ITPR2: variants seen among roughly 807,000 people sequenced by gnomAD.
ITPR2 encodes inositol 1,4,5-trisphosphate-gated calcium channel ITPR2.
ITPR2 carries 207 observed loss-of-function variants against 317.1 expected under a neutral mutation model. That is an observed-to-expected ratio of 0.65 (90% CI 0.58 to 0.73). ITPR2 has a LOEUF of 0.73. Among genes scored for constraint, ITPR2 ranks in the 30% least tolerant of loss-of-function variants. ITPR2 has a pLI of 0.00. For missense variants in ITPR2, 2,613 were observed against 3,284.0 expected, an observed-to-expected ratio of 0.80 and a Z score of 4.99; for synonymous variants, 1,156 against 1,149.1, an observed-to-expected ratio of 1.01 and a Z score of -0.12.
intron 55 of ITPR2, among the ~76,000 whole-genome samples, chr12:26,382,610 A>G (rs927078980): frequency 1.8e-4 from 27 of 152,156 alleles, no homozygotes; most frequent in African/African-American, 6.5e-4. Context: ...GGTTGCAGTG[A>G]GCCAAGATTG....
At chr12:26,506,158 C>T (rs1943177088) in intron 37 of ITPR2, among the ~76,000 whole-genome samples, 1 of 151,402 alleles carries the variant, frequency 6.6e-6, no homozygotes, top group Admixed American at 6.6e-5. Flanking sequence ...TTCTTGAGCC[C>T]AGGAGTTCAA....
intron 37 of ITPR2, among the ~76,000 whole-genome samples, chr12:26,544,453 C>T (rs768105633): frequency 6.6e-5 from 10 of 151,942 alleles, no homozygotes; most frequent in South Asian, 2.1e-4. Context: ...CTAACAAACT[C>T]GGGAAATTTA....
chr12:26,410,381 A>G (rs1417866263), intron 52 of ITPR2, among the ~76,000 whole-genome samples: 1 of 152,166 alleles, frequency 6.6e-6, no homozygotes, highest in Non-Finnish European at 1.5e-5. Context: ...GAAGCATAAA[A>G]TATTTAGTCA....
chr12:26,634,614 G>A (rs1192867118), intron 21 of ITPR2, among the ~76,000 whole-genome samples: 2 of 152,066 alleles, frequency 1.3e-5, no homozygotes, highest in Non-Finnish European at 2.9e-5. Context: ...CGCCAGGCAC[G>A]GTGGCTCATG....
chr12:26,546,353 C>A (rs560064600), intron 37 of ITPR2, among the ~76,000 whole-genome samples: 1 of 152,260 alleles, frequency 6.6e-6, no homozygotes, highest in South Asian at 2.1e-4. Flanking sequence ...CCCACTCCCA[C>A]CCTTCCCAGT....
At chr12:26,810,557 G>C (rs1278752462) in intron 1 of ITPR2, among the ~76,000 whole-genome samples, 2 of 152,196 alleles carry the variant, frequency 1.3e-5, no homozygotes, top group Non-Finnish European at 2.9e-5. Flanking sequence ...CAGGGCTGTC[G>C]CTGGGCCAGT....
At position 26,495,248 on chromosome 12, in the gene ITPR2, T is replaced by G; in HGVS notation, c.5086A>C (p.Arg1696=). Residue 1696 remains arginine, a synonymous_variant, in exon 38 of 57, where the codon AGA becomes CGA. Coordinates refer to ENST00000381340, the MANE Select transcript of ITPR2 (RefSeq NM_002223.4). ...AAGTATCGATTCAGAAGTATCTTTC[T>G]TAATGTGTTACCCTAATAAGAAGGA... ...DSFVEEGNTL[R]KILLNRYFKG... is the part of the protein sequence containing the mutation. 1 of 1,561,408 alleles carries G rather than the reference T, an allele frequency of 6.4e-7. No individual in the cohort carries two copies. Among genetic ancestry groups the G allele is most frequent in the Non-Finnish European group, 8.8e-7 (1 of 1,133,130 alleles).
At chr12:26,462,630 T>A (rs1010605609) in intron 45 of ITPR2, among the ~76,000 whole-genome samples, 3 of 151,980 alleles carry the variant, frequency 2.0e-5, no homozygotes, top group African/African-American at 4.8e-5. Flanking sequence ...TTCCTCAACA[T>A]GCCTTCAGGA....
intron 2 of ITPR2, among the ~76,000 whole-genome samples, chr12:26,742,895 C>T (rs376995296): frequency 6.6e-6 from 1 of 151,386 alleles, no homozygotes; most frequent in African/African-American, 2.4e-5. Context: ...ATGAAAGAAG[C>T]CAGTCACAAA....
chr12:26,739,016 T>C (rs1356842986), intron 2 of ITPR2, among the ~76,000 whole-genome samples: 2 of 152,200 alleles, frequency 1.3e-5, no homozygotes, highest in South Asian at 2.1e-4. Flanking sequence ...TTTAAACAGA[T>C]GTTTCACAAA....
chr12:26,585,042 T>C (rs1481866987), intron 32 of ITPR2, among the ~76,000 whole-genome samples: 1 of 152,210 alleles, frequency 6.6e-6, no homozygotes, highest in African/African-American at 2.4e-5. Flanking sequence ...AATTCTTTTT[T>C]TAAACAGACA....
Position 26,493,724 on chromosome 12 carries a change from A to C in ITPR2, c.5370+429T>G, listed in dbSNP as rs541207994. ...ATTTAACCATAATGATAAATGAAAA[A>C]AAAAGACTGGAGGACAATGTCTGTC... On this transcript the variant is annotated intron_variant, in intron 39 of 56. Transcript: ENST00000381340. Among the ~76,000 whole-genome samples the C allele has an allele frequency of 2.6e-4, 39 of 152,314 alleles. No individual in the cohort carries two copies. In the South Asian group the frequency reaches 4.8e-3, roughly 19 times the overall value.
In ITPR2 at chr12:26,680,414, A is replaced by G. The variant is rs557014786; in HGVS notation, c.1409+1460T>C. Among the ~76,000 whole-genome samples the G allele has an allele frequency of 1.9e-4, 29 of 152,310 alleles. No homozygotes were observed. The East Asian group carries it at 5.4e-3, about 28-fold the overall frequency. Reference sequence around the variant, plus strand: ...TGTCAAAATTTAAAAATATTTTATTACATCATTAAAATAATTCACTTGCCA... The same window carrying G: ...TGTCAAAATTTAAAAATATTTTATTGCATCATTAAAATAATTCACTTGCCA... On this transcript the variant is annotated intron_variant, in intron 13 of 56. Transcript: ENST00000381340.
At chr12:26,628,397 A>G (rs1309847303) in intron 22 of ITPR2, among the ~76,000 whole-genome samples, 2 of 152,202 alleles carry the variant, frequency 1.3e-5, no homozygotes, top group African/African-American at 2.4e-5. Context: ...TTGACTCCCT[A>G]TGACTGCTCT....
At chr12:26,436,195 T>C in intron 48 of ITPR2, 26 bp downstream of exon 48, 1 of 1,521,772 alleles carries the variant, frequency 6.6e-7, no homozygotes, top group Non-Finnish European at 8.8e-7. Flanking sequence ...AAAATATTTA[T>C]ATTTTAAGGA....
chr12:26,438,534 T>C (rs1443725360), intron 47 of ITPR2, among the ~76,000 whole-genome samples: 2 of 152,192 alleles, frequency 1.3e-5, no homozygotes, highest in Non-Finnish European at 2.9e-5. Flanking sequence ...ATTTTAAAAG[T>C]CAGTGTTTCC....
At chr12:26,391,058 T>C (rs1939819442) in intron 54 of ITPR2, among the ~76,000 whole-genome samples, 1 of 152,080 alleles carries the variant, frequency 6.6e-6, no homozygotes. Flanking sequence ...TTCCAAGAGG[T>C]GCAAAGCTTG....
intron 34 of ITPR2, among the ~76,000 whole-genome samples, chr12:26,567,959 TATATATATATTATATATATTATATATATA>T (rs1945024573): frequency 4.1e-5 from 1 of 24,438 alleles, no homozygotes; most frequent in Admixed American, 3.6e-4. Context: ...ATTATATATA[TATATATATATTATATATATTATATATATA>T]TATATATATT....
At chr12:26,488,808 C>A (rs1017299028) in intron 39 of ITPR2, among the ~76,000 whole-genome samples, 1 of 152,094 alleles carries the variant, frequency 6.6e-6, no homozygotes, top group African/African-American at 2.4e-5. Flanking sequence ...TCTATTAAAA[C>A]AAAGCTTCAT....
Sources: gnomAD v4.1 joint callset for allele counts (sites outside exome capture counted in the v4.1 genomes callset) on GRCh38, gnomAD v4.1.1 for gene constraint, MANE v1.5 for transcripts, NCBI Gene and HGNC (gene_info 2026-07-23, HGNC 2026-07-21) for gene names.